Variants in CSF2RA observed in about 807,000 individuals in gnomAD.
CSF2RA encodes granulocyte-macrophage colony-stimulating factor receptor subunit alpha.
A neutral mutation model predicts 51.6 loss-of-function variants in CSF2RA; 42 were observed. The ratio of observed to expected loss-of-function variants is 0.81; its 90% CI spans 0.64 to 1.05. The LOEUF (loss-of-function observed/expected upper bound fraction) is 1.05, where lower values mean the gene tolerates loss of function less well. Among genes scored for constraint, CSF2RA ranks in the 50% least tolerant of loss-of-function variants. The pLI, the probability that CSF2RA is intolerant of heterozygous loss-of-function variation, is 0.00. For missense variants in CSF2RA, 530 were observed against 501.1 expected (o/e 1.06, Z -0.55); for synonymous variants, 222 against 193.0 (o/e 1.15, Z -1.24).
chrX:1,321,084 C>T, the CSF2RA span, among the ~76,000 whole-genome samples: 326 of 151,322 alleles, frequency 2.2e-3, 1 homozygote, highest in South Asian at 5.2e-3. Context: ...CCACAGGTGA[C>T]CCACCCTCCT....
intron 3 of CSF2RA, among the ~76,000 whole-genome samples, chrX:1,283,345 T>C (rs1356218895): frequency 6.7e-6 from 1 of 148,440 alleles, no homozygotes; most frequent in Non-Finnish European, 1.5e-5. Flanking sequence ...CTTCCTTCCA[T>C]TGTTTCCTTC....
chrX:1,314,896 A>G (rs1285244800), downstream of CSF2RA, among the ~76,000 whole-genome samples: 33 of 60,898 alleles, frequency 5.4e-4, no homozygotes, highest in African/African-American at 1.2e-3. Flanking sequence ...ACCACACTGA[A>G]CCTGCTCAAC....
chrX:1,277,004 C>A (rs1164608351), intron 2 of CSF2RA, among the ~76,000 whole-genome samples: 2 of 151,872 alleles, frequency 1.3e-5, no homozygotes, highest in Non-Finnish European at 2.9e-5. Flanking sequence ...GAGGCTGAGG[C>A]AGGAGGACCA....
At chrX:1,303,723 A>G (rs2083253713) in intron 10 of CSF2RA, among the ~76,000 whole-genome samples, 200 bp from the exon 11 acceptor site, 1 of 152,138 alleles carries the variant, frequency 6.6e-6, no homozygotes. Flanking sequence ...CTTGTGGGCA[A>G]AACATAGGGC....
Position 1,277,783 on chromosome X carries a change from C to A in CSF2RA, c.-27+2965C>A, listed in dbSNP as rs761641373. Among the ~76,000 whole-genome samples the A allele has an allele frequency of 7.5e-5, 11 of 146,800 alleles. No individual in the cohort carries two copies. In the South Asian group the frequency reaches 2.4e-3, roughly 32 times the overall value. On this transcript the variant is annotated intron_variant, in intron 2 of 12. Transcript: ENST00000381529. ...CCTGAGGTCAGGAGTTCGAGACCAG[C>A]CTGACCAACATGGTGAAACCCCATC... is the stretch of plus-strand genomic sequence containing the variant.
rs750315302 is a variant in CSF2RA at position 1,277,815 on chromosome X, A to G, written c.-27+2997A>G. Among the ~76,000 whole-genome samples the G allele has an allele frequency of 4.8e-4, 71 of 148,320 alleles. No homozygotes were observed. In the South Asian group the frequency reaches 4.9e-3, roughly 10 times the overall value. On this transcript the variant is annotated intron_variant, in intron 2 of 12. Transcript: ENST00000381529. ...AACATGGTGAAACCCCATCTCTACT[A>G]AAAATACAAAAATTAGCCAGGCATG...
At chrX:1,286,507 T>G (rs1229502994) in intron 4 of CSF2RA, among the ~76,000 whole-genome samples, 1 of 151,384 alleles carries the variant, frequency 6.6e-6, no homozygotes, top group African/African-American at 2.4e-5. Flanking sequence ...AGGCGGAGGT[T>G]GCGGTGAGCC....
At chrX:1,322,904 C>T in the CSF2RA span, among the ~76,000 whole-genome samples, 3 of 150,930 alleles carry the variant, frequency 2.0e-5, no homozygotes, top group Non-Finnish European at 2.9e-5. Flanking sequence ...CCAAGACAGG[C>T]AGATCACGAG....
At chrX:1,270,430 G>A (rs59881700) in intron 1 of CSF2RA, among the ~76,000 whole-genome samples, 1 of 151,810 alleles carries the variant, frequency 6.6e-6, no homozygotes, top group Non-Finnish European at 1.5e-5. Flanking sequence ...TAGGGACGAG[G>A]GTTTCACTGT....
intron 9 of CSF2RA, among the ~76,000 whole-genome samples, chrX:1,299,837 G>A (rs1603432294): frequency 6.6e-6 from 1 of 152,198 alleles, no homozygotes; most frequent in Admixed American, 6.6e-5. Context: ...AGAATGGCGT[G>A]AACCCGGGAA....
At chrX:1,324,924 C>T in the CSF2RA span, among the ~76,000 whole-genome samples, 43,606 of 151,700 alleles carry the variant, frequency 0.29, 6,284 homozygotes, top group South Asian at 0.45. Context: ...GGGTACTCAG[C>T]GATCACAGGA....
At chrX:1,307,107 C>T (rs186179137) in intron 12 of CSF2RA, among the ~76,000 whole-genome samples, 113 of 152,212 alleles carry the variant, frequency 7.4e-4, no homozygotes, top group African/African-American at 2.3e-3. Flanking sequence ...CACCTCTCTC[C>T]GGCTCAGGGA....
At chrX:1,294,960 G>A (rs28607087) in intron 8 of CSF2RA, among the ~76,000 whole-genome samples, 26,935 of 86,668 alleles carry the variant, frequency 0.31, 2,565 homozygotes, top group African/African-American at 0.37. Context: ...TGTAGACAGG[G>A]AGAGAGACTG....
chrX:1,277,593 C>CAAAAAA (rs749833246), intron 2 of CSF2RA, among the ~76,000 whole-genome samples: 4 of 70,440 alleles, frequency 5.7e-5, no homozygotes, highest in African/African-American at 1.2e-4. Flanking sequence ...AAGTCCATCT[C>CAAAAAA]AAAAAAAAAA....
At chrX:1,307,588 TC>T (rs1230416937) in intron 12 of CSF2RA, among the ~76,000 whole-genome samples, 2 of 142,236 alleles carry the variant, frequency 1.4e-5, no homozygotes, top group South Asian at 4.5e-4. Context: ...GGCCCACCCT[TC>T]CCCCTTCAGC....
chrX:1,274,042 A>T (rs772731810), intron 1 of CSF2RA, among the ~76,000 whole-genome samples: 10 of 152,160 alleles, frequency 6.6e-5, no homozygotes, highest in Admixed American at 6.6e-4. Flanking sequence ...TCAGCCGAAA[A>T]TTTCCAGAAA....
chrX:1,303,839 C>T (rs1228823981), intron 10 of CSF2RA, 84 bp from the exon 11 acceptor site: 15 of 1,157,900 alleles, frequency 1.3e-5, no homozygotes, highest in Non-Finnish European at 1.6e-5. Context: ...TGGCTAAATG[C>T]ATTTGGACAC....
chrX:1,276,265 C>T (rs2089179475), intron 2 of CSF2RA, among the ~76,000 whole-genome samples: 1 of 152,168 alleles, frequency 6.6e-6, no homozygotes, highest in Admixed American at 6.6e-5. Context: ...AACTCCTGAC[C>T]TCACATGATC....
intron 9 of CSF2RA, among the ~76,000 whole-genome samples, chrX:1,296,021 C>A (rs2091914068): frequency 6.6e-6 from 1 of 151,156 alleles, no homozygotes; most frequent in Non-Finnish European, 1.5e-5. Flanking sequence ...CTCACGACGC[C>A]TACAGTTCCC....
Sources: gnomAD v4.1 joint callset for allele counts (sites outside exome capture counted in the v4.1 genomes callset) on GRCh38, gnomAD v4.1.1 for gene constraint, MANE v1.5 for transcripts, NCBI Gene and HGNC (gene_info 2026-07-23, HGNC 2026-07-21) for gene names.